Variants in TMEM232 observed in about 807,000 individuals in gnomAD.
TMEM232 encodes the protein transmembrane protein 232.
Under a neutral mutation model 78.8 loss-of-function variants are expected in TMEM232, and 80 were observed. That is an observed-to-expected ratio of 1.01 (90% CI 0.85 to 1.22). TMEM232 has a LOEUF of 1.22. TMEM232 is among the 50% of genes most tolerant of loss of function. The pLI is 0.00. For synonymous variants in TMEM232, 297 were observed against 254.3 expected (o/e 1.17, Z -1.60); for missense variants, 881 against 742.2 (o/e 1.19, Z -2.17).
intron 12 of TMEM232, among the ~76,000 whole-genome samples, chr5:110,520,441 A>G (rs890788187): frequency 2.0e-5 from 3 of 152,306 alleles, no homozygotes; most frequent in African/African-American, 7.2e-5. Flanking sequence ...AAAACGTGAC[A>G]AAGATTAAAA....
rs1269703613 is a variant in TMEM232, at chr5:110,544,424, T to C, written c.1456-15589A>G. Among the ~76,000 whole-genome samples the C allele has an allele frequency of 6.3e-5, 8 of 126,730 alleles. No individual in the cohort carries two copies. In the East Asian group the frequency reaches 1.8e-3, roughly 28 times the overall value. 83.1% of individuals were successfully genotyped at this position (126,730 alleles called of 152,430 possible). On this transcript the variant is annotated intron_variant, in intron 11 of 13. Transcript: ENST00000455884. Reference sequence around the variant, plus strand: ...TCAGCCCAAAGGAATTAGGATGTAGTAGCAATACACACATATCAAAAAAAA... The same window carrying C: ...TCAGCCCAAAGGAATTAGGATGTAGCAGCAATACACACATATCAAAAAAAA...
chr5:110,426,677 C>T (rs2112648920), intron 12 of TMEM232, among the ~76,000 whole-genome samples: 1 of 152,098 alleles, frequency 6.6e-6, no homozygotes, highest in East Asian at 1.9e-4. Flanking sequence ...GGGAGAAAAG[C>T]ACTGAGCTTC....
intron 1 of TMEM232, among the ~76,000 whole-genome samples, chr5:110,672,646 CAAAT>C (rs552832005): frequency 2.6e-5 from 4 of 151,880 alleles, no homozygotes; most frequent in Non-Finnish European, 4.4e-5. Context: ...AGTAAATAAA[CAAAT>C]AAACAAAAAG....
intron 2 of TMEM232, among the ~76,000 whole-genome samples, chr5:110,405,457 A>G (rs1755753213): frequency 6.6e-6 from 1 of 152,018 alleles, no homozygotes; most frequent in African/African-American, 2.4e-5. Flanking sequence ...TGAGCTAGAA[A>G]TTTCCGGGTA....
rs540729178 is a variant in TMEM232, at chr5:110,491,607, C to T, written c.1703+36981G>A. ...GTAGTTATACAATTGTTTTAATATA[C>T]TAAAAAAGTACTGAATTGAGATATA... On this transcript the variant is annotated intron_variant, in intron 12 of 13. Transcript: ENST00000455884. 7.6e-4 allele frequency among the ~76,000 whole-genome samples: 115 copies of T among 151,938 alleles called. 1 individual carries two copies. Among genetic ancestry groups the T allele is most frequent in the Non-Finnish European group, 1.2e-3 (81 of 67,868 alleles).
chr5:110,412,038 T>C (rs1314715773), intron 2 of TMEM232, among the ~76,000 whole-genome samples: 1 of 152,192 alleles, frequency 6.6e-6, no homozygotes, highest in Non-Finnish European at 1.5e-5. Flanking sequence ...TGTCCCATCT[T>C]CTTAGTGCTT....
chr5:110,686,941 A>T (rs948517619), intron 1 of TMEM232, among the ~76,000 whole-genome samples: 1 of 152,122 alleles, frequency 6.6e-6, no homozygotes, highest in African/African-American at 2.4e-5. Context: ...GTAGCATCAC[A>T]TCACTGGGGA....
intron 2 of TMEM232, among the ~76,000 whole-genome samples, chr5:110,406,263 T>C (rs1277175243): frequency 9.9e-4 from 51 of 51,686 alleles, no homozygotes; most frequent in South Asian, 1.9e-3. Context: ...CACAGATATA[T>C]ATACACACAC....
chr5:110,521,537 G>A (rs917597302), intron 12 of TMEM232, among the ~76,000 whole-genome samples: 25 of 152,256 alleles, frequency 1.6e-4, no homozygotes, highest in African/African-American at 5.8e-4. Context: ...AAAGATCAAC[G>A]TCAAGAAGTT....
chr5:110,420,977 CA>C (rs10537246), intron 13 of TMEM232, among the ~76,000 whole-genome samples: 6,539 of 140,282 alleles, frequency 0.047, 374 homozygotes, highest in African/African-American at 0.13. Flanking sequence ...TATTTAAAGA[CA>C]AAAAAAAAAA....
intron 1 of TMEM232, among the ~76,000 whole-genome samples, chr5:110,714,112 C>G (rs963355796): frequency 4.6e-5 from 7 of 152,130 alleles, no homozygotes; most frequent in Non-Finnish European, 8.8e-5. Context: ...CTTGGGTCTC[C>G]TTTTACTTTT....
intron 11 of TMEM232, among the ~76,000 whole-genome samples, chr5:110,565,475 C>T (rs1182921413): frequency 1.3e-5 from 2 of 151,948 alleles, no homozygotes; most frequent in Non-Finnish European, 2.9e-5. Flanking sequence ...TTTCCTGTCT[C>T]TTATGAGATT....
chr5:110,494,935 A>G lies in TMEM232; in HGVS notation c.1703+33653T>C, dbSNP rs190592966. ...CTACTCATGGAAACATATACTTATT[A>G]TAAGTATTCTTACAAAAATAAGTGA... On this transcript the variant is annotated intron_variant, in intron 12 of 13. Coordinates refer to ENST00000455884, the MANE Select transcript of TMEM232 (RefSeq NM_001039763.4). Among the ~76,000 whole-genome samples the G allele has an allele frequency of 4.6e-4, 70 of 151,942 alleles. No homozygotes were observed. In the East Asian group the frequency reaches 8.9e-3, roughly 19 times the overall value.
chr5:110,596,089 C>G (rs1434893185), intron 10 of TMEM232, among the ~76,000 whole-genome samples: 1 of 152,030 alleles, frequency 6.6e-6, no homozygotes, highest in Non-Finnish European at 1.5e-5. Flanking sequence ...CAGCAGAAAC[C>G]CTACAAGCCA....
chr5:110,674,387 T>G (rs182458162), intron 1 of TMEM232, among the ~76,000 whole-genome samples: 1 of 152,306 alleles, frequency 6.6e-6, no homozygotes, highest in Admixed American at 6.5e-5. Context: ...AAAAAAGTAA[T>G]GAAGCAAATA....
intron 8 of TMEM232, among the ~76,000 whole-genome samples, chr5:110,610,955 AAG>A (rs1277247146): frequency 6.6e-6 from 1 of 152,204 alleles, no homozygotes; most frequent in Admixed American, 6.6e-5. Flanking sequence ...CAAGCTAAGA[AAG>A]AAATTAATAG....
intron 2 of TMEM232, among the ~76,000 whole-genome samples, chr5:110,658,757 T>A (rs900149157): frequency 3.3e-5 from 5 of 152,162 alleles, no homozygotes; most frequent in African/African-American, 1.2e-4. Context: ...TAGGCAACAA[T>A]ACCCAAATTG....
upstream of TMEM232, among the ~76,000 whole-genome samples, chr5:110,727,688 A>G (rs543794835): frequency 1.3e-5 from 2 of 152,354 alleles, no homozygotes; most frequent in Non-Finnish European, 2.9e-5. Context: ...GAACTTTGAA[A>G]GAAAATTTAA....
chr5:110,642,727 G>T (rs967860129), intron 2 of TMEM232, among the ~76,000 whole-genome samples: 1 of 152,020 alleles, frequency 6.6e-6, no homozygotes, highest in Non-Finnish European at 1.5e-5. Flanking sequence ...AATCAGCATT[G>T]ATTCATTTAA....
Sources: allele counts gnomAD v4.1 joint callset (sites outside exome capture counted in the v4.1 genomes callset), GRCh38; gene constraint gnomAD v4.1.1; transcripts MANE v1.5; gene names NCBI Gene and HGNC (gene_info 2026-07-23, HGNC 2026-07-21).